Variants in DCHS2 observed in about 807,000 individuals in gnomAD.
The protein encoded by DCHS2 is protocadherin-23.
A neutral mutation model predicts 182.4 loss-of-function variants in DCHS2; 142 were observed. The observed-to-expected ratio is 0.78, with a 90% confidence interval of 0.68 to 0.89. The LOEUF (loss-of-function observed/expected upper bound fraction) is 0.89, where lower values mean the gene tolerates loss of function less well. Ranked by LOEUF, DCHS2 falls within the 40% of genes least tolerant of loss-of-function variation. The pLI is 0.00. For synonymous variants in DCHS2, 1,740 were observed against 1,663.3 expected, an observed-to-expected ratio of 1.05 and a Z score of -1.12; for missense variants, 4,319 against 4,198.6, an observed-to-expected ratio of 1.03 and a Z score of -0.79.
chr4:154,239,102 A>T, intron 19 of DCHS2, 68 bp downstream of exon 19: 1 of 1,546,078 alleles, frequency 6.5e-7, no homozygotes, highest in Non-Finnish European at 8.7e-7. Context: ...GCATTTAGAA[A>T]GGGTTATTTC....
At chr4:154,454,272 A>T (rs1333435743) in intron 1 of DCHS2, among the ~76,000 whole-genome samples, 1 of 152,104 alleles carries the variant, frequency 6.6e-6, no homozygotes, top group East Asian at 1.9e-4. Context: ...GAGATGGTGT[A>T]TCTCTCTATC....
chr4:154,303,545 C>T (rs565534917), intron 12 of DCHS2, among the ~76,000 whole-genome samples: 74 of 147,874 alleles, frequency 5.0e-4, no homozygotes, highest in Middle Eastern at 3.7e-3. Context: ...GGACCCAGAC[C>T]ATGATGGGGG....
chr4:154,235,951 T>C lies in DCHS2; in HGVS notation c.8701A>G (p.Arg2901Gly), dbSNP rs1338557279. ...GCATCTGCATCTGAGGCTTCCACTC[T>C]GCCAATCAACTGTCTGTCTTTATTC... ...EKNKDRQLIG[R>G]VEASDADAGI... Residue 2901 changes from arginine (R) to glycine (G), a missense_variant, in exon 20 of 20, where the codon AGA becomes GGA. Arg to Gly is a moderately radical substitution (Grantham distance 125, BLOSUM62 -2). Transcript: ENST00000357232. The C allele has an allele frequency of 1.9e-6, 3 of 1,614,048 alleles. No homozygotes were observed. In the South Asian group the frequency reaches 3.3e-5, roughly 18 times the overall value.
At chr4:154,405,503 AG>A (rs1289731899) in intron 1 of DCHS2, among the ~76,000 whole-genome samples, 1 of 151,564 alleles carries the variant, frequency 6.6e-6, no homozygotes, top group African/African-American at 2.4e-5. Flanking sequence ...CTTCTCCCTA[AG>A]GGATGCCAAT....
chr4:154,306,957 T>C (rs1735461649), intron 10 of DCHS2, among the ~76,000 whole-genome samples: 2 of 152,178 alleles, frequency 1.3e-5, no homozygotes, highest in Admixed American at 6.5e-5. Flanking sequence ...TATTTTGTTC[T>C]ATTATTCTAT....
intron 5 of DCHS2, among the ~76,000 whole-genome samples, chr4:154,331,004 A>T (rs1451731345): frequency 1.3e-5 from 2 of 152,150 alleles, no homozygotes; most frequent in Admixed American, 1.3e-4. Context: ...GGGATGGGCG[A>T]CACCAGGATA....
chr4:154,252,157 ATCTTT>A (rs1279768702), intron 16 of DCHS2, among the ~76,000 whole-genome samples: 5 of 151,860 alleles, frequency 3.3e-5, no homozygotes, highest in Non-Finnish European at 7.4e-5. Flanking sequence ...ATAATAGGAA[ATCTTT>A]TCTTTTTCAA....
intron 1 of DCHS2, among the ~76,000 whole-genome samples, chr4:154,381,035 G>T (rs773884783): frequency 1.3e-5 from 2 of 152,024 alleles, no homozygotes; most frequent in Admixed American, 6.6e-5. Context: ...TGTTTAAATT[G>T]AAGCAAGAGG....
intron 1 of DCHS2, among the ~76,000 whole-genome samples, chr4:154,393,715 G>A (rs1030883760): frequency 6.6e-6 from 1 of 151,836 alleles, no homozygotes; most frequent in Non-Finnish European, 1.5e-5. Flanking sequence ...GCCTGACTTG[G>A]ACATGCTCTT....
At chr4:154,363,580 A>G (rs940289425) in intron 3 of DCHS2, among the ~76,000 whole-genome samples, 1 of 152,204 alleles carries the variant, frequency 6.6e-6, no homozygotes, top group African/African-American at 2.4e-5. Context: ...ATGTTGCCCA[A>G]AGGTTACAAA....
At chr4:154,344,915 C>T (rs1481012122) in intron 3 of DCHS2, among the ~76,000 whole-genome samples, 1 of 152,164 alleles carries the variant, frequency 6.6e-6, no homozygotes, top group African/African-American at 2.4e-5. Flanking sequence ...GCTCACTGTC[C>T]AAAAGGTCTT....
intron 2 of DCHS2, among the ~76,000 whole-genome samples, chr4:154,368,116 C>G (rs1730475689): frequency 6.6e-6 from 1 of 152,174 alleles, no homozygotes; most frequent in Non-Finnish European, 1.5e-5. Context: ...GTTCATCTAT[C>G]TGGCCTTTAT....
chr4:154,338,276 T>C (rs1728906877), intron 3 of DCHS2, among the ~76,000 whole-genome samples: 1 of 152,202 alleles, frequency 6.6e-6, no homozygotes, highest in Non-Finnish European at 1.5e-5. Flanking sequence ...TTTGAAAATA[T>C]ACAAACAACA....
At chr4:154,383,111 A>G (rs1388478640) in intron 1 of DCHS2, among the ~76,000 whole-genome samples, 1 of 152,250 alleles carries the variant, frequency 6.6e-6, no homozygotes, top group Non-Finnish European at 1.5e-5. Context: ...GGTGGATTAG[A>G]CAAAGAAAAT....
chr4:154,451,888 C>T (rs1227142228), intron 1 of DCHS2, among the ~76,000 whole-genome samples: 1 of 152,210 alleles, frequency 6.6e-6, no homozygotes, highest in Admixed American at 6.5e-5. Flanking sequence ...ACAGACTTCT[C>T]TAAATGGGCA....
At chr4:154,378,700 A>G (rs1731038662) in intron 1 of DCHS2, among the ~76,000 whole-genome samples, 1 of 152,190 alleles carries the variant, frequency 6.6e-6, no homozygotes, top group African/African-American at 2.4e-5. Flanking sequence ...GTAACGGGCC[A>G]AAGGTCACAT....
At chr4:154,331,593 T>C in intron 5 of DCHS2, 4 of 1,611,416 alleles carry the variant, frequency 2.5e-6, no homozygotes, top group Non-Finnish European at 3.4e-6. Context: ...CTTCTCCTAA[T>C]TCACAGAACA....
chr4:154,400,422 A>G (rs1157893856), intron 1 of DCHS2, among the ~76,000 whole-genome samples: 1 of 151,842 alleles, frequency 6.6e-6, no homozygotes, highest in Non-Finnish European at 1.5e-5. Context: ...AATGTACACT[A>G]CACTCTTCAG....
chr4:154,355,313 G>C (rs927954051), intron 3 of DCHS2, among the ~76,000 whole-genome samples: 21 of 108,654 alleles, frequency 1.9e-4, no homozygotes, highest in Non-Finnish European at 3.3e-4. Context: ...TAATGCATTA[G>C]CATGCTAAGA....
Sources: gnomAD v4.1 joint callset for allele counts (sites outside exome capture counted in the v4.1 genomes callset) on GRCh38, gnomAD v4.1.1 for gene constraint, MANE v1.5 for transcripts, NCBI Gene and HGNC (gene_info 2026-07-23, HGNC 2026-07-21) for gene names.